The following CEP83 variants were observed in gnomAD, a reference collection of about 807,000 sequenced individuals.
The protein encoded by CEP83 is centrosomal protein of 83 kDa.
Under a neutral mutation model 101.9 loss-of-function variants are expected in CEP83, and 70 were observed. The observed-to-expected ratio is 0.69, with a 90% confidence interval of 0.57 to 0.84. The LOEUF (loss-of-function observed/expected upper bound fraction) is 0.84. CEP83 is among the 40% of genes least tolerant of loss of function. CEP83 has a pLI of 0.00. For synonymous variants in CEP83, 264 were observed against 267.9 expected (o/e 0.99, Z 0.14); for missense variants, 715 against 787.2 (o/e 0.91, Z 1.10).
Position 94,358,829 on chromosome 12 carries a change from C to T in CEP83, c.1343+8965G>A, listed in dbSNP as rs111583107. Reference sequence around the variant, plus strand: ...AAGAAGGGAGACATGTTGGGAGCAACCCCCCAAAGTCTGGCCATAAACTGG... The same window carrying T: ...AAGAAGGGAGACATGTTGGGAGCAATCCCCCAAAGTCTGGCCATAAACTGG... On this transcript the variant is annotated intron_variant, in intron 11 of 16. Coordinates refer to ENST00000397809, the MANE Select transcript of CEP83 (RefSeq NM_016122.3). 2.1e-3 allele frequency among the ~76,000 whole-genome samples: 318 copies of T among 152,330 alleles called. 1 individual carries two copies. The highest frequency in any genetic ancestry group is 4.1e-3 in the Admixed American group (63 of 15,306).
At chr12:94,312,850 T>C (rs1970081761) in intron 15 of CEP83, 64 bp downstream of exon 15, 4 of 1,274,530 alleles carry the variant, frequency 3.1e-6, no homozygotes, top group African/African-American at 3.1e-5. Context: ...ACGTTATACT[T>C]AGAGACAAAG....
chr12:94,340,141 A>C (rs748597569), intron 11 of CEP83, among the ~76,000 whole-genome samples: 10 of 152,262 alleles, frequency 6.6e-5, no homozygotes, highest in Non-Finnish European at 1.2e-4. Flanking sequence ...AGAAAAAAAC[A>C]GAAAGCCCCA....
At chr12:94,266,916 C>G in the CEP83 span, among the ~76,000 whole-genome samples, 1 of 152,228 alleles carries the variant, frequency 6.6e-6, no homozygotes. Flanking sequence ...TCCCTCGGGA[C>G]TGACTGAATC....
intron 6 of CEP83, among the ~76,000 whole-genome samples, chr12:94,399,132 T>G (rs2063092834): frequency 6.6e-6 from 1 of 152,228 alleles, no homozygotes; most frequent in South Asian, 2.1e-4. Flanking sequence ...TTTTGCCCTT[T>G]GAAGCATGTG....
the CEP83 span, chr12:94,277,715 C>T: frequency 8.7e-6 from 3 of 344,216 alleles, no homozygotes; most frequent in African/African-American, 6.5e-5. Flanking sequence ...CCAATGTGGG[C>T]TGAATCTGTT....
At chr12:94,458,628 C>T (rs2067887465) in intron 1 of CEP83, among the ~76,000 whole-genome samples, 1 of 152,132 alleles carries the variant, frequency 6.6e-6, no homozygotes, top group Non-Finnish European at 1.5e-5. Context: ...ATCCCAGCTA[C>T]TCGGGAGGCT....
the CEP83 span, among the ~76,000 whole-genome samples, chr12:94,275,932 A>G: frequency 4.6e-5 from 7 of 151,802 alleles, no homozygotes; most frequent in Non-Finnish European, 8.8e-5. Context: ...ATGAACACAT[A>G]TCAATTTATG....
intron 2 of CEP83, among the ~76,000 whole-genome samples, chr12:94,429,305 T>G (rs1272697540): frequency 6.6e-6 from 1 of 152,006 alleles, no homozygotes. Context: ...ATACTTGCAA[T>G]CCTAGCCACA....
intron 1 of CEP83, among the ~76,000 whole-genome samples, chr12:94,453,112 A>G (rs143510455): frequency 6.6e-6 from 1 of 152,156 alleles, no homozygotes; most frequent in Non-Finnish European, 1.5e-5. Flanking sequence ...TGTGATGTGC[A>G]TTCTTTCTTT....
intron 2 of CEP83, among the ~76,000 whole-genome samples, chr12:94,413,709 T>A (rs1489159463): frequency 6.6e-6 from 1 of 152,146 alleles, no homozygotes; most frequent in East Asian, 1.9e-4. Flanking sequence ...CAAACGTCAC[T>A]GTTTATTTCA....
chr12:94,328,083 T>A (rs1363673523), intron 14 of CEP83: 1 of 160,942 alleles, frequency 6.2e-6, no homozygotes, highest in African/African-American at 2.4e-5. Flanking sequence ...GATTCATCTC[T>A]TTTTTGAAAA....
At chr12:94,451,545 AC>A (rs1244016949) in intron 1 of CEP83, among the ~76,000 whole-genome samples, 1 of 151,852 alleles carries the variant, frequency 6.6e-6, no homozygotes, top group Non-Finnish European at 1.5e-5. Context: ...GCCAATAACC[AC>A]AGAAAAAGGT....
chr12:94,358,672 G>C (rs569891826), intron 11 of CEP83, among the ~76,000 whole-genome samples: 2 of 152,232 alleles, frequency 1.3e-5, no homozygotes, highest in South Asian at 2.1e-4. Flanking sequence ...CACCAATTCA[G>C]TTATACAACC....
the CEP83 span, chr12:94,297,132 GC>G: frequency 8.3e-6 from 13 of 1,572,888 alleles, no homozygotes; most frequent in Non-Finnish European, 1.1e-5. Context: ...AGGCCGATTA[GC>G]CCATGGTTGC....
intron 7 of CEP83, among the ~76,000 whole-genome samples, chr12:94,376,813 C>T (rs1277548610): frequency 6.6e-6 from 1 of 151,532 alleles, no homozygotes; most frequent in East Asian, 1.9e-4. Flanking sequence ...GATCTTGGCT[C>T]ACCACAACCT....
chr12:94,430,577 G>T (rs1326639359), intron 2 of CEP83, among the ~76,000 whole-genome samples: 1 of 151,894 alleles, frequency 6.6e-6, no homozygotes, highest in African/African-American at 2.4e-5. Context: ...TCAGACAAAA[G>T]GTAAAGAATA....
At chr12:94,406,768 A>G (rs1441640927) in intron 4 of CEP83, among the ~76,000 whole-genome samples, 3 of 152,058 alleles carry the variant, frequency 2.0e-5, no homozygotes, top group African/African-American at 7.2e-5. Flanking sequence ...AACAATAAAA[A>G]ATTTAAAAAT....
intron 2 of CEP83, chr12:94,424,452 T>A: frequency 6.2e-7 from 1 of 1,614,026 alleles, no homozygotes; most frequent in Non-Finnish European, 8.5e-7. Context: ...CCTCTGCTGG[T>A]CCCACTGGTA....
rs1452136872 is a variant in CEP83 at position 94,331,355 on chromosome 12, T to C, written c.1707+345A>G. 2.2e-3 allele frequency among the ~76,000 whole-genome samples: 290 copies of C among 134,802 alleles called. 4 individuals carry two copies. Among genetic ancestry groups the C allele is most frequent in the African/African-American group, 7.5e-3 (272 of 36,340 alleles). 88.4% of individuals were successfully genotyped at this position (134,802 alleles called of 152,430 possible). On this transcript the variant is annotated intron_variant, in intron 14 of 16. Transcript: ENST00000397809. ...TTTACTCCATAGAAATCACCTTTTT[T>C]CCTTTTTTTTTTTTTTTTTTTTTTT...
Sources: gnomAD v4.1 joint callset for allele counts (sites outside exome capture counted in the v4.1 genomes callset) on GRCh38, gnomAD v4.1.1 for gene constraint, MANE v1.5 for transcripts, NCBI Gene and HGNC (gene_info 2026-07-23, HGNC 2026-07-21) for gene names.